ARB2A: variants seen among roughly 807,000 people sequenced by gnomAD.
The protein encoded by ARB2A is ARB2 cotranscriptional regulator A, also known as cotranscriptional regulator ARB2A.
At chr5:93,774,757 T>C in the ARB2A span, among the ~76,000 whole-genome samples, 2 of 152,168 alleles carry the variant, frequency 1.3e-5, no homozygotes, top group South Asian at 4.1e-4. Context: ...TGAGTTACAG[T>C]GCTGCTGGCC....
chr5:93,803,382 G>A, the ARB2A span, among the ~76,000 whole-genome samples: 1 of 151,754 alleles, frequency 6.6e-6, no homozygotes, highest in Non-Finnish European at 1.5e-5. Context: ...TATTAATATA[G>A]GCATAAAGTG....
the ARB2A span, among the ~76,000 whole-genome samples, chr5:94,013,092 G>C: frequency 4.0e-5 from 6 of 151,498 alleles, no homozygotes; most frequent in Non-Finnish European, 7.4e-5. Flanking sequence ...TCGTTTTGCA[G>C]AAAGTCTAGT....
the ARB2A span, among the ~76,000 whole-genome samples, chr5:94,099,850 A>G: frequency 6.6e-6 from 1 of 152,126 alleles, no homozygotes; most frequent in Admixed American, 6.5e-5. Context: ...AATGGGCAAA[A>G]GCTGGAAGCA....
the ARB2A span, among the ~76,000 whole-genome samples, chr5:93,946,971 T>A: frequency 6.6e-6 from 1 of 152,200 alleles, no homozygotes; most frequent in African/African-American, 2.4e-5. Flanking sequence ...TATATGTTAT[T>A]CTATTTTCCA....
At chr5:93,638,395 C>T in the ARB2A span, among the ~76,000 whole-genome samples, 1 of 152,308 alleles carries the variant, frequency 6.6e-6, no homozygotes, top group East Asian at 1.9e-4. Context: ...GGAAAATTGA[C>T]ATCTTTATTA....
chr5:93,733,017 T>C, the ARB2A span, among the ~76,000 whole-genome samples: 1 of 152,174 alleles, frequency 6.6e-6, no homozygotes, highest in African/African-American at 2.4e-5. Flanking sequence ...CTGAACTTTC[T>C]ATCAAAACTG....
chr5:93,869,373 T>TA, the ARB2A span, among the ~76,000 whole-genome samples: 4 of 152,164 alleles, frequency 2.6e-5, no homozygotes, highest in Non-Finnish European at 5.9e-5. Flanking sequence ...AATATTATCT[T>TA]AGACAAAAAA....
chr5:93,644,031 T>C, the ARB2A span, among the ~76,000 whole-genome samples: 1 of 152,184 alleles, frequency 6.6e-6, no homozygotes, highest in South Asian at 2.1e-4. Context: ...GTAGAGATCA[T>C]ACAGCGAAGG....
chr5:93,899,978 A>G, the ARB2A span, among the ~76,000 whole-genome samples: 1 of 152,190 alleles, frequency 6.6e-6, no homozygotes, highest in Non-Finnish European at 1.5e-5. Context: ...AAGTGATAAT[A>G]GAAATATTGA....
chr5:94,104,961 T>C, the ARB2A span, among the ~76,000 whole-genome samples: 2 of 151,680 alleles, frequency 1.3e-5, no homozygotes, highest in Non-Finnish European at 3.0e-5. Flanking sequence ...GTGTTAAAAA[T>C]TTTCAACAAA....
chr5:94,086,508 C>T, the ARB2A span, among the ~76,000 whole-genome samples: 4 of 152,060 alleles, frequency 2.6e-5, no homozygotes, highest in East Asian at 3.9e-4. Context: ...ACATATAGTA[C>T]GTAAATACTT....
the ARB2A span, among the ~76,000 whole-genome samples, chr5:94,092,004 A>G: frequency 6.6e-6 from 1 of 152,118 alleles, no homozygotes; most frequent in African/African-American, 2.4e-5. Context: ...CAGTTGAACT[A>G]TGACTTTCTT....
At chr5:94,073,495 T>C in the ARB2A span, among the ~76,000 whole-genome samples, 2 of 152,062 alleles carry the variant, frequency 1.3e-5, no homozygotes, top group Non-Finnish European at 2.9e-5. Context: ...AGAACCTATC[T>C]ACTCTTTTAA....
the ARB2A span, among the ~76,000 whole-genome samples, chr5:93,626,147 A>T: frequency 6.6e-6 from 1 of 152,216 alleles, no homozygotes; most frequent in African/African-American, 2.4e-5. Flanking sequence ...CTTAAGTTAT[A>T]TGGGAATATA....
the ARB2A span, among the ~76,000 whole-genome samples, chr5:93,860,432 CA>C: frequency 6.7e-6 from 1 of 149,848 alleles, no homozygotes; most frequent in Non-Finnish European, 1.5e-5. Context: ...ATGTCGTACA[CA>C]AAAAAGCAAA....
At chr5:93,771,697 A>G in the ARB2A span, among the ~76,000 whole-genome samples, 8 of 152,242 alleles carry the variant, frequency 5.3e-5, no homozygotes, top group Admixed American at 2.0e-4. Context: ...CAAAAAACAC[A>G]TGAAAAAATG....
the ARB2A span, chr5:93,741,387 G>C: frequency 5.6e-6 from 9 of 1,612,954 alleles, no homozygotes; most frequent in Non-Finnish European, 7.6e-6. Flanking sequence ...TCCTCCACAC[G>C]TCAGGGCCTG....
At chr5:93,813,580 C>T in the ARB2A span, among the ~76,000 whole-genome samples, 1 of 152,076 alleles carries the variant, frequency 6.6e-6, no homozygotes, top group African/African-American at 2.4e-5. Flanking sequence ...TGGCGTGAAC[C>T]ACAAACTTAA....
chr5:94,007,318 T>C, the ARB2A span, among the ~76,000 whole-genome samples: 2 of 152,086 alleles, frequency 1.3e-5, no homozygotes, highest in African/African-American at 2.4e-5. Flanking sequence ...AAAGCAATAG[T>C]TGCAATAAAA....
Sources: gnomAD v4.1 joint callset for allele counts (sites outside exome capture counted in the v4.1 genomes callset) on GRCh38, gnomAD v4.1.1 for gene constraint, MANE v1.5 for transcripts, NCBI Gene and HGNC (gene_info 2026-07-23, HGNC 2026-07-21) for gene names.